The following RIC1 variants were observed in gnomAD, a reference collection of about 807,000 sequenced individuals.
RIC1 encodes RIC1 partner of RAB6A GEF complex, also known as guanine nucleotide exchange factor subunit RIC1.
In RIC1, 88 loss-of-function variants were observed where a neutral mutation model predicts 169.0. The observed-to-expected ratio is 0.52, with a 90% CI of 0.44 to 0.62. The LOEUF (loss-of-function observed/expected upper bound fraction) is 0.62, where lower values mean the gene tolerates loss of function less well. Ranked by LOEUF, RIC1 falls within the 20% of genes least tolerant of loss-of-function variation. RIC1 has a pLI of 0.00. For synonymous variants in RIC1, 790 were observed against 601.5 expected, an observed-to-expected ratio of 1.31 and a Z score of -4.59; for missense variants, 1,877 against 1,725.5, an observed-to-expected ratio of 1.09 and a Z score of -1.56.
chr9:5,666,182 G>C (rs186836880), intron 2 of RIC1, among the ~76,000 whole-genome samples: 1 of 152,114 alleles, frequency 6.6e-6, no homozygotes, highest in African/African-American at 2.4e-5. Context: ...GAGGTCTCAC[G>C]TAAAGAAGCA....
chr9:5,646,389 A>G (rs1818513865), intron 1 of RIC1, among the ~76,000 whole-genome samples: 1 of 152,194 alleles, frequency 6.6e-6, no homozygotes, highest in Admixed American at 6.5e-5. Context: ...AACAGACTGC[A>G]TTATATGATG....
intron 3 of RIC1, among the ~76,000 whole-genome samples, chr9:5,697,002 C>G (rs1023928484): frequency 5.3e-5 from 8 of 152,216 alleles, no homozygotes. Flanking sequence ...TCTGGCTAGT[C>G]AGAACCGAAA....
chr9:5,666,545 G>T (rs980261434), intron 2 of RIC1, among the ~76,000 whole-genome samples: 12 of 152,112 alleles, frequency 7.9e-5, no homozygotes, highest in Non-Finnish European at 1.8e-4. Context: ...TCTTTATTAT[G>T]TTGAGGTTAT....
chr9:5,631,782 G>C (rs1344206427), intron 1 of RIC1, among the ~76,000 whole-genome samples: 1 of 151,876 alleles, frequency 6.6e-6, no homozygotes, highest in East Asian at 1.9e-4. Flanking sequence ...CTAGACTCCA[G>C]CTTCCAATCT....
intron 1 of RIC1, 136 bp from the exon 2 acceptor site, chr9:5,656,447 C>T (rs894468209): frequency 3.5e-5 from 17 of 483,840 alleles, no homozygotes; most frequent in African/African-American, 2.0e-4. Context: ...TGTTGAAAGC[C>T]GATAGTTTAA....
chr9:5,656,027 G>A lies in RIC1; in HGVS notation c.145-556G>A, dbSNP rs574751984. On this transcript the variant is annotated intron_variant, in intron 1 of 25. Transcript: ENST00000414202. The stretch of plus-strand genomic sequence containing the variant: ...TGGGACTACAGGCGCCTGCCACCAC[G>A]CCCAGCTAATTTTTTTGTATTTTTA... 4.6e-5 allele frequency among the ~76,000 whole-genome samples: 7 copies of A among 152,020 alleles called. No homozygotes were observed. In the South Asian group the frequency reaches 6.2e-4, roughly 14 times the overall value.
chr9:5,774,452 T>G lies in RIC1; in HGVS notation c.*206T>G. Reference sequence around the variant, plus strand: ...TATAAAGCATCTTTCATAAAAAAATTTTAAGCTGCAGTGAAAAGTAAATAT... The same window carrying G: ...TATAAAGCATCTTTCATAAAAAAATGTTAAGCTGCAGTGAAAAGTAAATAT... On this transcript the variant is annotated 3_prime_UTR_variant, in exon 26 of 26. Coordinates refer to ENST00000414202, the MANE Select transcript of RIC1 (RefSeq NM_020829.4). 2.2e-6 allele frequency: 1 copy of G among 456,432 alleles called. No individual in the cohort carries two copies. Among genetic ancestry groups the G allele is most frequent in the Non-Finnish European group, 3.8e-6 (1 of 265,472 alleles). 28.3% of individuals were successfully genotyped at this position (456,432 alleles called of 1,614,324 possible). A position where few individuals can be genotyped will look rare whatever the true frequency, so the allele number is the denominator to read the frequency against.
At chr9:5,657,677 A>G (rs1276878140) in intron 2 of RIC1, among the ~76,000 whole-genome samples, 1 of 152,112 alleles carries the variant, frequency 6.6e-6, no homozygotes, top group East Asian at 1.9e-4. Flanking sequence ...AACACTGACT[A>G]GGTTAATAGT....
chr9:5,742,810 A>G, intron 8 of RIC1, 59 bp from the exon 9 acceptor site: 2 of 1,469,878 alleles, frequency 1.4e-6, no homozygotes, highest in East Asian at 4.6e-5. Context: ...AAAAAAAAAA[A>G]AAACAAGTAT....
At chr9:5,660,644 A>C (rs1819396596) in intron 2 of RIC1, among the ~76,000 whole-genome samples, 1 of 151,808 alleles carries the variant, frequency 6.6e-6, no homozygotes, top group South Asian at 2.1e-4. Flanking sequence ...GGCCACATTT[A>C]TGTCTTCTTT....
At chr9:5,672,859 T>G (rs1820192366) in intron 2 of RIC1, among the ~76,000 whole-genome samples, 1 of 152,068 alleles carries the variant, frequency 6.6e-6, no homozygotes, top group South Asian at 2.1e-4. Flanking sequence ...ACATTGACAA[T>G]AGACTTCTCA....
At chr9:5,751,462 T>G (rs1262786378) in intron 12 of RIC1, among the ~76,000 whole-genome samples, 1 of 151,706 alleles carries the variant, frequency 6.6e-6, no homozygotes, top group Non-Finnish European at 1.5e-5. Flanking sequence ...TTCAGGTGAT[T>G]CTCCTGCGTC....
intron 1 of RIC1, among the ~76,000 whole-genome samples, chr9:5,640,439 G>A (rs551023731): frequency 3.1e-4 from 47 of 152,074 alleles, no homozygotes; most frequent in African/African-American, 1.1e-3. Flanking sequence ...TAACTTTTTT[G>A]TTTGTTGTTT....
At chr9:5,694,040 C>T (rs936426689) in intron 3 of RIC1, among the ~76,000 whole-genome samples, 2 of 152,124 alleles carry the variant, frequency 1.3e-5, no homozygotes, top group Non-Finnish European at 2.9e-5. Flanking sequence ...TCTTCCCCCT[C>T]CACCCTCCCC....
At chr9:5,734,627 C>G (rs1479794362) in intron 7 of RIC1, among the ~76,000 whole-genome samples, 3 of 152,078 alleles carry the variant, frequency 2.0e-5, no homozygotes, top group African/African-American at 7.2e-5. Flanking sequence ...AGTAGAAACA[C>G]CCATCTCTTC....
chr9:5,636,824 C>T (rs774721471), intron 1 of RIC1, among the ~76,000 whole-genome samples: 6 of 152,026 alleles, frequency 3.9e-5, no homozygotes, highest in Non-Finnish European at 5.9e-5. Context: ...TGCTTTATAT[C>T]GTAAGTTTTG....
In RIC1 at chr9:5,688,345, G is replaced by A. The variant is rs1821377251; in HGVS notation, c.253-1614G>A. Among the ~76,000 whole-genome samples, 4 of 152,210 alleles carry A rather than the reference G, an allele frequency of 2.6e-5. No individual in the cohort carries two copies. The South Asian group carries it at 8.3e-4, about 32-fold the overall frequency. ...AAGGCAGTAAGCTGGGTAAGAGTAG[G>A]AGGGTCACTTCAGTTGTTTCTTATC... On this transcript the variant is annotated intron_variant, in intron 2 of 25. Transcript: ENST00000414202.
chr9:5,760,519 GC>G (rs1166684137), intron 17 of RIC1, among the ~76,000 whole-genome samples: 1 of 152,154 alleles, frequency 6.6e-6, no homozygotes, highest in Non-Finnish European at 1.5e-5. Flanking sequence ...TACAGTAAAT[GC>G]CTTTAAGGTC....
chr9:5,651,816 C>A (rs1296064853), intron 1 of RIC1, among the ~76,000 whole-genome samples: 1 of 152,110 alleles, frequency 6.6e-6, no homozygotes, highest in Non-Finnish European at 1.5e-5. Flanking sequence ...GATCTGCCCA[C>A]CTCGGCCTCC....
Sources: gnomAD v4.1 joint callset for allele counts (sites outside exome capture counted in the v4.1 genomes callset) on GRCh38, gnomAD v4.1.1 for gene constraint, MANE v1.5 for transcripts, NCBI Gene and HGNC (gene_info 2026-07-23, HGNC 2026-07-21) for gene names.